ATP10B: variants seen among roughly 807,000 people sequenced by gnomAD.
ATP10B encodes the protein ATPase phospholipid transporting 10B (putative).
Under a neutral mutation model 141.2 loss-of-function variants are expected in ATP10B, and 122 were observed. The ratio of observed to expected loss-of-function variants is 0.86; its 90% CI spans 0.75 to 1.00. The LOEUF is 1.00. Among genes scored for constraint, ATP10B ranks in the 50% least tolerant of loss-of-function variants. The pLI is 0.00. For synonymous variants in ATP10B, 685 were observed against 692.0 expected, an observed-to-expected ratio of 0.99 and a Z score of 0.16; for missense variants, 1,876 against 1,825.3, an observed-to-expected ratio of 1.03 and a Z score of -0.51.
At chr5:160,609,551 A>G (rs760204372) in intron 18 of ATP10B, among the ~76,000 whole-genome samples, 2 of 151,906 alleles carry the variant, frequency 1.3e-5, no homozygotes, top group African/African-American at 4.8e-5. Flanking sequence ...GCTAATTTTT[A>G]TATTTTTAGT....
At chr5:160,878,088 C>A in the ATP10B span, among the ~76,000 whole-genome samples, 51 of 145,504 alleles carry the variant, frequency 3.5e-4, no homozygotes, top group Admixed American at 5.6e-4. Flanking sequence ...AATCCTAAGC[C>A]AAAAGAACAA....
intron 18 of ATP10B, among the ~76,000 whole-genome samples, chr5:160,610,753 G>A (rs1311380412): frequency 6.6e-6 from 1 of 152,162 alleles, no homozygotes; most frequent in Non-Finnish European, 1.5e-5. Context: ...TAACAATATT[G>A]CAATAGCAAT....
chr5:160,604,876 G>A lies in ATP10B; in HGVS notation c.3161-835C>T, dbSNP rs143410747. On this transcript the variant is annotated intron_variant, in intron 19 of 25. Transcript: ENST00000327245. Reference sequence around the variant, plus strand: ...GTGAAATTCGATTTAAATTTAAGTAGCCACAGATAGCTCTATACAGTGAGG... The same window carrying A: ...GTGAAATTCGATTTAAATTTAAGTAACCACAGATAGCTCTATACAGTGAGG... Among the ~76,000 whole-genome samples the A allele has an allele frequency of 4.8e-3, 733 of 152,258 alleles. 5 individuals are homozygous for A. The highest frequency in any genetic ancestry group is 6.1e-3 in the Non-Finnish European group (416 of 68,026).
intron 16 of ATP10B, among the ~76,000 whole-genome samples, chr5:160,617,364 G>A (rs1292002551): frequency 1.3e-5 from 2 of 152,230 alleles, no homozygotes; most frequent in Non-Finnish European, 2.9e-5. Flanking sequence ...GGTAGGGACT[G>A]TGGCCAACCA....
In ATP10B at chr5:160,799,126, T is replaced by G. The variant is rs1772172486; in HGVS notation, c.-575-13323A>C. On this transcript the variant is annotated intron_variant, in intron 1 of 25. Coordinates refer to ENST00000327245, the MANE Select transcript of ATP10B (RefSeq NM_025153.3). ...TAGGCTGTATCAAAAGCTGATTTTT[T>G]TTTTCAGGTTTGTGTTTTAAAAATG... Among the ~76,000 whole-genome samples, 3 of 152,154 alleles carry G rather than the reference T, an allele frequency of 2.0e-5. No homozygotes were observed. In the South Asian group the frequency reaches 6.2e-4, roughly 32 times the overall value.
intron 16 of ATP10B, 104 bp downstream of exon 16, chr5:160,617,759 TA>T: frequency 9.7e-7 from 1 of 1,028,922 alleles, no homozygotes; most frequent in Non-Finnish European, 1.4e-6. Flanking sequence ...TTGAAAATGT[TA>T]AAACAACCAC....
At chr5:160,655,953 C>T (rs530639774) in intron 7 of ATP10B, among the ~76,000 whole-genome samples, 2 of 152,222 alleles carry the variant, frequency 1.3e-5, no homozygotes, top group Admixed American at 1.3e-4. Flanking sequence ...GGGCCTGGTG[C>T]CAGGGCGTAA....
intron 2 of ATP10B, among the ~76,000 whole-genome samples, chr5:160,764,610 C>T (rs1286014464): frequency 6.6e-6 from 1 of 152,080 alleles, no homozygotes; most frequent in Non-Finnish European, 1.5e-5. Context: ...CAACATTATA[C>T]TAAATGGAAA....
At chr5:160,685,092 G>T (rs1267382734) in intron 6 of ATP10B, 1 of 703,572 alleles carries the variant, frequency 1.4e-6, no homozygotes, top group Non-Finnish European at 2.6e-6. Context: ...TGCTGGTCTT[G>T]ATTTGATTCC....
intron 2 of ATP10B, among the ~76,000 whole-genome samples, chr5:160,767,048 A>G (rs536664129): frequency 7.0e-4 from 107 of 152,176 alleles, no homozygotes; most frequent in African/African-American, 2.2e-3. Flanking sequence ...CCGGGCCACA[A>G]TGGAAAAAAA....
chr5:160,697,807 C>T (rs898524498), intron 3 of ATP10B, among the ~76,000 whole-genome samples: 1 of 152,182 alleles, frequency 6.6e-6, no homozygotes, highest in African/African-American at 2.4e-5. Context: ...TGTTCCATAA[C>T]TCAAGCATCT....
chr5:160,796,203 G>A (rs1347619157), intron 1 of ATP10B, among the ~76,000 whole-genome samples: 6 of 152,180 alleles, frequency 3.9e-5, no homozygotes, highest in South Asian at 2.1e-4. Context: ...CATGGCCACC[G>A]CTACTTCTCC....
At chr5:160,811,366 A>AGT (rs1223148501) in intron 1 of ATP10B, among the ~76,000 whole-genome samples, 1 of 151,972 alleles carries the variant, frequency 6.6e-6, no homozygotes, top group Non-Finnish European at 1.5e-5. Context: ...TAGAGAACCA[A>AGT]GTGGGTTCTT....
intron 6 of ATP10B, among the ~76,000 whole-genome samples, chr5:160,672,653 G>C (rs924001171): frequency 3.3e-5 from 5 of 152,230 alleles, no homozygotes; most frequent in Admixed American, 6.5e-5. Flanking sequence ...GCCAGACCGG[G>C]AGAAGCAAGC....
At chr5:160,811,030 G>A (rs1773117815) in intron 1 of ATP10B, among the ~76,000 whole-genome samples, 1 of 152,186 alleles carries the variant, frequency 6.6e-6, no homozygotes, top group Admixed American at 6.5e-5. Flanking sequence ...CCGCTTTGCA[G>A]GACCCAGCTC....
the ATP10B span, among the ~76,000 whole-genome samples, chr5:160,878,051 C>A: frequency 6.6e-6 from 1 of 151,680 alleles, no homozygotes; most frequent in East Asian, 1.9e-4. Flanking sequence ...TCATATGGAA[C>A]CAAAAAAGAG....
At chr5:160,612,680 T>G in intron 18 of ATP10B, 61 bp downstream of exon 18, 1 of 1,437,562 alleles carries the variant, frequency 7.0e-7, no homozygotes, top group Non-Finnish European at 9.6e-7. Context: ...TGTGTCCTCT[T>G]GGTTGAGGGG....
chr5:160,577,465 A>G (rs1190119763), intron 24 of ATP10B, among the ~76,000 whole-genome samples: 2 of 152,232 alleles, frequency 1.3e-5, no homozygotes, highest in South Asian at 2.1e-4. Context: ...TCATGTGCCC[A>G]CCCTGGACCA....
At chr5:160,902,398 A>G in the ATP10B span, among the ~76,000 whole-genome samples, 368 of 152,266 alleles carry the variant, frequency 2.4e-3, 1 homozygote, top group African/African-American at 8.5e-3. Context: ...AAACAAACTC[A>G]CTACTTTCAA....
Sources: allele counts gnomAD v4.1 joint callset (sites outside exome capture counted in the v4.1 genomes callset), GRCh38; gene constraint gnomAD v4.1.1; transcripts MANE v1.5; gene names NCBI Gene and HGNC (gene_info 2026-07-23, HGNC 2026-07-21).